Variants in CCBE1 observed in about 807,000 individuals in gnomAD.
CCBE1 encodes collagen and calcium binding EGF domains 1.
CCBE1 carries 37 observed loss-of-function variants against 50.0 expected under a neutral mutation model. The observed-to-expected ratio is 0.74, with a 90% confidence interval of 0.57 to 0.97. The LOEUF is 0.97. CCBE1 is among the 50% of genes least tolerant of loss of function. CCBE1 has a pLI of 0.00. For synonymous variants in CCBE1, 234 were observed against 203.7 expected (o/e 1.15, Z -1.27); for missense variants, 538 against 523.8 (o/e 1.03, Z -0.26).
chr18:59,616,139 A>G (rs1859198228), intron 2 of CCBE1, among the ~76,000 whole-genome samples: 1 of 151,964 alleles, frequency 6.6e-6, no homozygotes, highest in South Asian at 2.1e-4. Flanking sequence ...GCTCTCAAGA[A>G]CCCTCCAGAG....
At chr18:59,610,277 G>A (rs908724282) in intron 2 of CCBE1, among the ~76,000 whole-genome samples, 7 of 152,066 alleles carry the variant, frequency 4.6e-5, no homozygotes, top group Non-Finnish European at 1.5e-5. Flanking sequence ...GCTGGGTTTT[G>A]GATACAAAGT....
chr18:59,540,959 A>C (rs1230909863), intron 2 of CCBE1, among the ~76,000 whole-genome samples: 1 of 152,212 alleles, frequency 6.6e-6, no homozygotes, highest in East Asian at 1.9e-4. Context: ...GAAAAATATC[A>C]ACTCAAAGAC....
chr18:59,532,886 A>G (rs545923748), intron 2 of CCBE1, among the ~76,000 whole-genome samples: 27 of 152,316 alleles, frequency 1.8e-4, no homozygotes, highest in Non-Finnish European at 3.7e-4. Context: ...AATCCCATCA[A>G]TGGTACACAG....
chr18:59,457,954 G>A (rs139134708), intron 5 of CCBE1, among the ~76,000 whole-genome samples: 1 of 152,324 alleles, frequency 6.6e-6, no homozygotes, highest in African/African-American at 2.4e-5. Flanking sequence ...GCTGACTGCA[G>A]GAAATGGTGG....
chr18:59,475,840 T>C (rs905637119), intron 3 of CCBE1, among the ~76,000 whole-genome samples: 3 of 152,164 alleles, frequency 2.0e-5, no homozygotes, highest in African/African-American at 7.2e-5. Flanking sequence ...TGCCTCAGCC[T>C]CTGGAGTAGC....
chr18:59,650,309 A>C (rs1384198549), intron 2 of CCBE1, among the ~76,000 whole-genome samples: 3 of 150,758 alleles, frequency 2.0e-5, no homozygotes, highest in Non-Finnish European at 4.4e-5. Flanking sequence ...AGCCCAGCAC[A>C]CCCAAAAAGC....
At chr18:59,522,421 A>G (rs1445791058) in intron 2 of CCBE1, among the ~76,000 whole-genome samples, 1 of 152,254 alleles carries the variant, frequency 6.6e-6, no homozygotes, top group East Asian at 1.9e-4. Context: ...AACATTAAAC[A>G]TTGAAATAAA....
chr18:59,634,315 C>T (rs1292156765), intron 2 of CCBE1, among the ~76,000 whole-genome samples: 1 of 152,222 alleles, frequency 6.6e-6, no homozygotes, highest in Non-Finnish European at 1.5e-5. Context: ...GCCTCCCCCA[C>T]TGTGAATCTA....
intron 2 of CCBE1, among the ~76,000 whole-genome samples, chr18:59,656,200 T>C (rs1327861242): frequency 1.3e-5 from 2 of 152,234 alleles, no homozygotes; most frequent in African/African-American, 4.8e-5. Flanking sequence ...TCCACTTCAA[T>C]TGAATCAGAA....
intron 2 of CCBE1, among the ~76,000 whole-genome samples, chr18:59,669,802 T>C (rs145855133): frequency 1.3e-5 from 2 of 152,258 alleles, no homozygotes; most frequent in Non-Finnish European, 2.9e-5. Context: ...ACCTTTCAGC[T>C]GCAGGACCTA....
intron 2 of CCBE1, among the ~76,000 whole-genome samples, chr18:59,693,155 A>G (rs76731356): frequency 0.017 from 2,597 of 152,240 alleles, 81 homozygotes; most frequent in African/African-American, 0.06. Context: ...CATTCCAAAT[A>G]TTGCGAGATG....
intron 2 of CCBE1, among the ~76,000 whole-genome samples, chr18:59,505,685 A>G (rs1913838492): frequency 6.6e-6 from 1 of 152,244 alleles, no homozygotes; most frequent in Non-Finnish European, 1.5e-5. Flanking sequence ...ATTTAGTATA[A>G]AAGATAAATA....
rs753162713 is a variant in CCBE1, at chr18:59,448,077, A to G, written c.681T>C (p.Ala227=). The G allele has an allele frequency of 1.2e-6, 2 of 1,614,112 alleles. No individual in the cohort carries two copies. Among genetic ancestry groups the G allele is most frequent in the Non-Finnish European group, 1.7e-6 (2 of 1,180,038 alleles). Residue 227 remains alanine (A), a synonymous_variant, in exon 7 of 11, where the codon GCT becomes GCC. Transcript: ENST00000439986. Reference sequence around the variant, plus strand: ...CACCAGTGATATACTTGCCCAGGTCAGCTGCATTGTTGGGGAGCAGAGCAA... The same window carrying G: ...CACCAGTGATATACTTGCCCAGGTCGGCTGCATTGTTGGGGAGCAGAGCAA... ...QKIALLPNNA[A]DLGKYITGDK...
At chr18:59,636,348 C>T (rs530705501) in intron 2 of CCBE1, among the ~76,000 whole-genome samples, 5 of 152,140 alleles carry the variant, frequency 3.3e-5, no homozygotes, top group Non-Finnish European at 5.9e-5. Flanking sequence ...AGAAAAGAGG[C>T]GAACATTTTT....
intron 2 of CCBE1, among the ~76,000 whole-genome samples, chr18:59,603,780 A>G (rs910950404): frequency 1.3e-5 from 2 of 152,168 alleles, no homozygotes; most frequent in Non-Finnish European, 2.9e-5. Flanking sequence ...AATACTGGAG[A>G]CCAGGCAAGT....
chr18:59,562,375 T>G (rs574751679), intron 2 of CCBE1, among the ~76,000 whole-genome samples: 353 of 152,178 alleles, frequency 2.3e-3, no homozygotes, highest in African/African-American at 8.1e-3. Context: ...AGGGTAATCC[T>G]CTCCCACCAC....
At chr18:59,507,794 A>G (rs879285110) in intron 2 of CCBE1, among the ~76,000 whole-genome samples, 8 of 152,182 alleles carry the variant, frequency 5.3e-5, no homozygotes, top group Non-Finnish European at 1.2e-4. Flanking sequence ...CAGTAAGTAT[A>G]TACCTGATCA....
In CCBE1 at chr18:59,645,121, GCACA is replaced by G. The variant is rs1371920169; in HGVS notation, c.212+51504_212+51507del. 5.3e-4 allele frequency among the ~76,000 whole-genome samples: 80 copies of G among 152,248 alleles called. 1 individual carries two copies. The East Asian group carries it at 0.013, about 25-fold the overall frequency. Reference sequence around the variant, plus strand: ...ATACAAAAATTAGCCAGGTGTGGTGGCACACGCCTGTAATCCCAGCTACTCAGGA... The same window carrying G: ...ATACAAAAATTAGCCAGGTGTGGTGGCGCCTGTAATCCCAGCTACTCAGGA... On this transcript the variant is annotated intron_variant, in intron 2 of 10. Coordinates refer to ENST00000439986, the MANE Select transcript of CCBE1 (RefSeq NM_133459.4).
intron 9 of CCBE1, 57 bp from the exon 10 acceptor site, chr18:59,438,203 G>A: frequency 1.3e-6 from 2 of 1,494,790 alleles, no homozygotes; most frequent in Non-Finnish European, 1.9e-6. Context: ...CACAAGAATA[G>A]TCTCTATTTA....
Sources: gnomAD v4.1 joint callset for allele counts (sites outside exome capture counted in the v4.1 genomes callset) on GRCh38, gnomAD v4.1.1 for gene constraint, MANE v1.5 for transcripts, NCBI Gene and HGNC (gene_info 2026-07-23, HGNC 2026-07-21) for gene names.